The following NR3C1 variants were observed in gnomAD, a reference collection of about 807,000 sequenced individuals.
The protein encoded by NR3C1 is glucocorticoid receptor.
In NR3C1, 14 loss-of-function variants were observed where a neutral mutation model predicts 74.0. The ratio of observed to expected loss-of-function variants is 0.19; its 90% confidence interval spans 0.12 to 0.30. NR3C1 has a LOEUF of 0.30. NR3C1 is among the 10% of genes least tolerant of loss of function. NR3C1 has a pLI of 1.00. For missense variants in NR3C1, 695 were observed against 909.8 expected (o/e 0.76, Z 3.04); for synonymous variants, 308 against 332.5 (o/e 0.93, Z 0.80).
upstream of NR3C1, chr5:143,404,114 G>C (rs939713078): frequency 6.0e-4 from 589 of 985,262 alleles, 1 homozygote; most frequent in Non-Finnish European, 6.9e-4. Context: ...GCCCCTTGGC[G>C]GCAAGCGCCG....
intron 3 of NR3C1, among the ~76,000 whole-genome samples, chr5:143,311,642 T>C (rs2151609372): frequency 6.6e-6 from 1 of 152,312 alleles, no homozygotes; most frequent in Middle Eastern, 3.4e-3. Flanking sequence ...ATTCATTCCT[T>C]GACTCATTTA....
intron 2 of NR3C1, among the ~76,000 whole-genome samples, chr5:143,360,704 C>T (rs745565624): frequency 5.3e-5 from 8 of 152,158 alleles, no homozygotes; most frequent in Non-Finnish European, 1.0e-4. Context: ...TTACCTATAA[C>T]ACTTAATAAA....
chr5:143,284,104 G>C (rs1160227861), intron 7 of NR3C1, among the ~76,000 whole-genome samples: 1 of 152,090 alleles, frequency 6.6e-6, no homozygotes, highest in Non-Finnish European at 1.5e-5. Flanking sequence ...TCCCGAGACA[G>C]AGTCTTGCTG....
chr5:143,330,976 A>C (rs114136740), intron 2 of NR3C1, among the ~76,000 whole-genome samples: 1,870 of 152,272 alleles, frequency 0.012, 42 homozygotes, highest in African/African-American at 0.042. Context: ...ATATAGAATC[A>C]AAAAAGGGCA....
At chr5:143,344,393 T>C (rs1828825475) in intron 2 of NR3C1, among the ~76,000 whole-genome samples, 1 of 152,206 alleles carries the variant, frequency 6.6e-6, no homozygotes, top group Non-Finnish European at 1.5e-5. Flanking sequence ...GTCTAAGTAC[T>C]TTATTAATTC....
intron 2 of NR3C1, among the ~76,000 whole-genome samples, chr5:143,354,536 A>C (rs1830763691): frequency 6.6e-6 from 1 of 152,204 alleles, no homozygotes; most frequent in South Asian, 2.1e-4. Flanking sequence ...AGAGGGAGAC[A>C]GACAGGGAAT....
chr5:143,386,915 G>A (rs1600487958), intron 2 of NR3C1, among the ~76,000 whole-genome samples: 1 of 152,152 alleles, frequency 6.6e-6, no homozygotes, highest in Non-Finnish European at 1.5e-5. Context: ...TATGGGCTGT[G>A]GTACAAAGAA....
intron 4 of NR3C1, among the ~76,000 whole-genome samples, chr5:143,305,110 T>C (rs575579192): frequency 6.6e-6 from 1 of 152,090 alleles, no homozygotes; most frequent in Admixed American, 6.5e-5. Flanking sequence ...TGGGAGAAAA[T>C]ATTTGCAAAC....
intron 2 of NR3C1, among the ~76,000 whole-genome samples, chr5:143,357,207 T>A (rs1831302874): frequency 6.6e-6 from 1 of 152,220 alleles, no homozygotes. Flanking sequence ...GTCAACATGG[T>A]AAATAGCTTG....
At chr5:143,374,954 A>C (rs1834912676) in intron 2 of NR3C1, among the ~76,000 whole-genome samples, 1 of 152,176 alleles carries the variant, frequency 6.6e-6, no homozygotes, top group Admixed American at 6.5e-5. Context: ...ATTACCATGA[A>C]GTGATGAAAA....
exon 1 of NR3C1, chr5:143,434,710 A>G (rs1752030747): frequency 1.0e-6 from 1 of 985,424 alleles, no homozygotes; most frequent in African/African-American, 1.7e-5. Context: ...ATCAAAGTTA[A>G]TATCTGTGGC....
intron 2 of NR3C1, among the ~76,000 whole-genome samples, chr5:143,346,606 G>A (rs1233422332): frequency 2.6e-5 from 4 of 152,106 alleles, no homozygotes; most frequent in Non-Finnish European, 5.9e-5. Flanking sequence ...TTTGGTTGAC[G>A]TCGTGATTAC....
chr5:143,404,384 C>G (rs36208514), upstream of NR3C1: 131 of 985,320 alleles, frequency 1.3e-4, 4 homozygotes, highest in East Asian at 0.01. Context: ...ACTTTGGGCC[C>G]GGGGGGAGTC....
upstream of NR3C1, chr5:143,404,397 G>A (rs1468083159): frequency 1.0e-6 from 1 of 985,466 alleles, no homozygotes; most frequent in Non-Finnish European, 1.2e-6. Flanking sequence ...GGGGAGTCGC[G>A]TGCCGGCAGG....
rs575120266 is a variant in NR3C1, at chr5:143,413,297, T to A, written c.-13-12445A>T. Among the ~76,000 whole-genome samples, 10 of 152,304 alleles carry A rather than the reference T, an allele frequency of 6.6e-5. No homozygotes were observed. In the South Asian group the frequency reaches 2.1e-3, roughly 32 times the overall value. ...TTTCCTAGAGGTTAGCAGGACTGAC[T>A]TGAATTATGAAGGGTTTTCTTCAAG... On this transcript the variant is annotated intron_variant, in intron 1 of 8. Transcript: ENST00000343796.
At chr5:143,329,269 G>A (rs146263457) in intron 2 of NR3C1, among the ~76,000 whole-genome samples, 229 of 152,232 alleles carry the variant, frequency 1.5e-3, no homozygotes, top group African/African-American at 5.2e-3. Flanking sequence ...GATGTTTTGC[G>A]ATCTCCCACA....
At chr5:143,365,456 A>G (rs767465499) in intron 2 of NR3C1, among the ~76,000 whole-genome samples, 55 of 152,358 alleles carry the variant, frequency 3.6e-4, no homozygotes, top group Non-Finnish European at 6.9e-4. Context: ...AAAAGAATCA[A>G]TCTATCAAGA....
intron 2 of NR3C1, among the ~76,000 whole-genome samples, chr5:143,369,109 C>A (rs1213031017): frequency 2.6e-5 from 4 of 152,196 alleles, no homozygotes; most frequent in East Asian, 3.8e-4. Context: ...CTCAATACTG[C>A]CACATTGGGG....
At chr5:143,301,536 A>G (rs1382248188) in intron 4 of NR3C1, among the ~76,000 whole-genome samples, 1 of 147,600 alleles carries the variant, frequency 6.8e-6, no homozygotes, top group Non-Finnish European at 1.5e-5. Flanking sequence ...ATTATCTTTT[A>G]CCTTGACTTG....
Sources: gnomAD v4.1 joint callset for allele counts (sites outside exome capture counted in the v4.1 genomes callset) on GRCh38, gnomAD v4.1.1 for gene constraint, MANE v1.5 for transcripts, NCBI Gene and HGNC (gene_info 2026-07-23, HGNC 2026-07-21) for gene names.